ZCWPW2: variants seen among roughly 807,000 people sequenced by gnomAD.
The protein encoded by ZCWPW2 is zinc finger CW-type and PWWP domain containing 2, also known as zinc finger CW-type PWWP domain protein 2.
A neutral mutation model predicts 46.6 loss-of-function variants in ZCWPW2; 45 were observed. The observed-to-expected ratio is 0.96, with a 90% confidence interval of 0.76 to 1.24. The LOEUF (loss-of-function observed/expected upper bound fraction) is 1.24. Among genes scored for constraint, ZCWPW2 ranks in the 50% most tolerant of loss-of-function variants. The pLI is 0.00. For synonymous variants in ZCWPW2, 152 were observed against 137.1 expected (o/e 1.11, Z -0.76); for missense variants, 429 against 403.9 (o/e 1.06, Z -0.53).
intron 3 of ZCWPW2, among the ~76,000 whole-genome samples, chr3:28,417,261 C>T (rs1004505611): frequency 6.6e-6 from 1 of 151,968 alleles, no homozygotes; most frequent in African/African-American, 2.4e-5. Context: ...ACTAGAAAAT[C>T]TAGAAGAAAT....
intron 6 of ZCWPW2, among the ~76,000 whole-genome samples, chr3:28,498,896 T>C (rs1280012077): frequency 6.6e-6 from 1 of 151,998 alleles, no homozygotes; most frequent in African/African-American, 2.4e-5. Flanking sequence ...GAACATGTGG[T>C]GTTTGGTTTT....
At chr3:28,491,967 A>G (rs13099814) in intron 5 of ZCWPW2, among the ~76,000 whole-genome samples, 160 bp from the exon 6 acceptor site, 62,512 of 151,916 alleles carry the variant, frequency 0.41, 13,158 homozygotes, top group East Asian at 0.65. Context: ...TAAACAATGG[A>G]CAGCTCAGTT....
chr3:28,358,023 T>G (rs1055092247), intron 1 of ZCWPW2, among the ~76,000 whole-genome samples: 2 of 151,970 alleles, frequency 1.3e-5, no homozygotes, highest in Non-Finnish European at 2.9e-5. Context: ...CCTTATTAAT[T>G]ATTTACTCTT....
intron 6 of ZCWPW2, among the ~76,000 whole-genome samples, chr3:28,501,165 C>T (rs1456192282): frequency 6.6e-6 from 1 of 152,122 alleles, no homozygotes; most frequent in Non-Finnish European, 1.5e-5. Context: ...TAGAAGGGTG[C>T]TCTGCTGGGA....
chr3:28,490,871 A>T (rs571090513), intron 5 of ZCWPW2, among the ~76,000 whole-genome samples: 2 of 152,214 alleles, frequency 1.3e-5, no homozygotes, highest in African/African-American at 4.8e-5. Context: ...TACCAAGTAA[A>T]TGATCAGTTT....
intron 6 of ZCWPW2, among the ~76,000 whole-genome samples, chr3:28,510,524 C>G (rs983272661): frequency 6.6e-6 from 1 of 151,954 alleles, no homozygotes; most frequent in Admixed American, 6.6e-5. Flanking sequence ...ATTTACTTAT[C>G]TTCACTTCTT....
intron 8 of ZCWPW2, among the ~76,000 whole-genome samples, chr3:28,516,235 G>A (rs1700565618): frequency 2.0e-5 from 3 of 149,812 alleles, no homozygotes; most frequent in Non-Finnish European, 4.4e-5. Context: ...ACAACAGAAT[G>A]ACAGAACAAG....
intron 4 of ZCWPW2, among the ~76,000 whole-genome samples, chr3:28,475,440 A>G (rs757974171): frequency 1.2e-4 from 18 of 152,200 alleles, no homozygotes; most frequent in Non-Finnish European, 2.1e-4. Context: ...TTGCCTCTGT[A>G]TAGCCTTTCC....
intron 2 of ZCWPW2, among the ~76,000 whole-genome samples, chr3:28,405,640 T>C (rs1385262379): frequency 6.6e-6 from 1 of 152,024 alleles, no homozygotes; most frequent in Non-Finnish European, 1.5e-5. Context: ...CATGCCTGGC[T>C]AATTTTTGTA....
At chr3:28,485,368 AT>A (rs1250249127) in intron 5 of ZCWPW2, among the ~76,000 whole-genome samples, 2 of 152,094 alleles carry the variant, frequency 1.3e-5, no homozygotes, top group Non-Finnish European at 2.9e-5. Flanking sequence ...AAGGATGTGT[AT>A]TCTGCTGTTG....
At position 28,514,121 on chromosome 3, in the gene ZCWPW2, A is replaced by C; in HGVS notation, c.715A>C (p.Arg239=). 2.0e-6 allele frequency: 3 copies of C among 1,475,456 alleles called. No individual in the cohort carries two copies. The South Asian group carries it at 3.6e-5, about 18-fold the overall frequency. 91.4% of individuals were successfully genotyped at this position (1,475,456 alleles called of 1,614,324 possible). A position where few individuals can be genotyped will look rare whatever the true frequency, so the allele number is the denominator to read the frequency against. Residue 239 remains arginine (R), a splice_region_variant and synonymous_variant, in exon 7 of 10, where the codon AGG becomes CGG. Transcript: ENST00000383768. ...KKKPKFRKRK[R]KAILKCSFEN... ...GAAGCCCAAATTTAGAAAAAGGAAA[A>C]GGTATGCTTTTTGAAATTAAATAGT...
intron 6 of ZCWPW2, among the ~76,000 whole-genome samples, chr3:28,507,632 G>A (rs1700312892): frequency 6.6e-6 from 1 of 152,012 alleles, no homozygotes; most frequent in African/African-American, 2.4e-5. Flanking sequence ...AGTGAATGTG[G>A]TCTATAAAAT....
In ZCWPW2 at chr3:28,524,897, A is replaced by G; in HGVS notation, c.*209A>G. 1 of 292,050 alleles carries G rather than the reference A, an allele frequency of 3.4e-6. No individual in the cohort carries two copies. Among genetic ancestry groups the G allele is most frequent in the Non-Finnish European group, 6.0e-6 (1 of 167,332 alleles). 18.1% of individuals were successfully genotyped at this position (292,050 alleles called of 1,614,324 possible). On this transcript the variant is annotated 3_prime_UTR_variant, in exon 10 of 10. Transcript: ENST00000383768. Reference sequence around the variant, plus strand: ...AGTTAGTGTTAAAAATTTAGAATTAAAAAACCCTGATATTTGTATTTATAT... The same window carrying G: ...AGTTAGTGTTAAAAATTTAGAATTAGAAAACCCTGATATTTGTATTTATAT...
At chr3:28,388,892 C>G (rs988400945) in intron 1 of ZCWPW2, among the ~76,000 whole-genome samples, 1 of 152,164 alleles carries the variant, frequency 6.6e-6, no homozygotes, top group Non-Finnish European at 1.5e-5. Context: ...CGTGGTAATA[C>G]TGAGATGCCC....
At chr3:28,359,946 A>T (rs975450182) in intron 1 of ZCWPW2, among the ~76,000 whole-genome samples, 1 of 152,180 alleles carries the variant, frequency 6.6e-6, no homozygotes, top group Non-Finnish European at 1.5e-5. Flanking sequence ...ATTAGAAATC[A>T]TTGAAATTTA....
At chr3:28,432,319 T>C (rs1408120712) in intron 3 of ZCWPW2, among the ~76,000 whole-genome samples, 1 of 152,192 alleles carries the variant, frequency 6.6e-6, no homozygotes, top group Non-Finnish European at 1.5e-5. Context: ...TGTGGGGGCA[T>C]ACGAAAGGTA....
intron 2 of ZCWPW2, among the ~76,000 whole-genome samples, chr3:28,395,147 T>C (rs1349066089): frequency 6.6e-6 from 1 of 152,074 alleles, no homozygotes; most frequent in Non-Finnish European, 1.5e-5. Flanking sequence ...CCACATACAT[T>C]GATGTTGAAA....
intron 4 of ZCWPW2, among the ~76,000 whole-genome samples, chr3:28,454,001 C>G (rs1043203278): frequency 2.0e-5 from 3 of 151,496 alleles, no homozygotes; most frequent in Non-Finnish European, 4.4e-5. Flanking sequence ...CCCGCCACCA[C>G]GCCCGGCTAA....
At chr3:28,426,011 A>T (rs1575119640) in intron 3 of ZCWPW2, among the ~76,000 whole-genome samples, 1 of 152,118 alleles carries the variant, frequency 6.6e-6, no homozygotes, top group South Asian at 2.1e-4. Flanking sequence ...CTGGAGGCTG[A>T]GGCAGGAGAA....
Sources: allele counts gnomAD v4.1 joint callset (sites outside exome capture counted in the v4.1 genomes callset), GRCh38; gene constraint gnomAD v4.1.1; transcripts MANE v1.5; gene names NCBI Gene and HGNC (gene_info 2026-07-23, HGNC 2026-07-21).